PCDH7: variants seen among roughly 807,000 people sequenced by gnomAD.
PCDH7 encodes protocadherin-7.
In PCDH7, 17 loss-of-function variants were observed where a neutral mutation model predicts 58.9. The observed-to-expected ratio is 0.29, with a 90% CI of 0.20 to 0.43. The LOEUF (loss-of-function observed/expected upper bound fraction) is 0.43. Ranked by LOEUF, PCDH7 falls within the 20% of genes least tolerant of loss-of-function variation. PCDH7 has a pLI of 1.00. For missense variants in PCDH7, 1,274 were observed against 1,441.0 expected (o/e 0.88, Z 1.88); for synonymous variants, 664 against 616.4 (o/e 1.08, Z -1.14).
In PCDH7 at chr4:30,723,766, A is replaced by G. The variant is rs201345910; in HGVS notation, c.2344A>G (p.Ser782Gly). 8 of 1,614,190 alleles carry G rather than the reference A, an allele frequency of 5.0e-6. No individual in the cohort carries two copies. The Admixed American group carries it at 1.2e-4, about 24-fold the overall frequency. The change falls in exon 1 of 2, where the codon AGC becomes GGC. Residue 782 changes from serine (S) to glycine (G), a missense_variant. Coordinates refer to ENST00000361762, the Ensembl canonical transcript of PCDH7. The surrounding 1 kb of genome is among the most constrained non-coding windows in gnomAD (Gnocchi z 4.6). ...TGGCATCAATGCAGACCTGAACTAC[A>G]GCATTGTGGGAGGAAATCCCTTCAA... is the stretch of plus-strand genomic sequence containing the variant.
intron 1 of PCDH7, among the ~76,000 whole-genome samples, chr4:30,782,131 G>A (rs930244994): frequency 6.6e-6 from 1 of 152,090 alleles, no homozygotes; most frequent in Admixed American, 6.5e-5. Flanking sequence ...TCATGATAGA[G>A]TATGATATAT....
chr4:31,099,233 C>T (rs1714577142), intron 3 of PCDH7, among the ~76,000 whole-genome samples: 1 of 152,124 alleles, frequency 6.6e-6, no homozygotes, highest in Non-Finnish European at 1.5e-5. Context: ...AGAAAGGGGG[C>T]AAAGGAAAGT....
chr4:30,828,174 A>G (rs1729331988), intron 1 of PCDH7, among the ~76,000 whole-genome samples: 1 of 152,070 alleles, frequency 6.6e-6, no homozygotes. Context: ...TAGTTTTGAG[A>G]GGATAAAAGG....
chr4:30,885,668 A>G (rs1004772357), intron 1 of PCDH7, among the ~76,000 whole-genome samples: 11 of 152,168 alleles, frequency 7.2e-5, no homozygotes, highest in Non-Finnish European at 5.9e-5. Context: ...CGCCAAGTCA[A>G]TCCTAAGCCA....
chr4:30,896,248 A>G (rs1739379921), intron 1 of PCDH7, among the ~76,000 whole-genome samples: 1 of 152,194 alleles, frequency 6.6e-6, no homozygotes, highest in Admixed American at 6.5e-5. Flanking sequence ...TTGAACAGGC[A>G]CTAAATTCTT....
At chr4:30,895,375 T>C (rs1739272273) in intron 1 of PCDH7, among the ~76,000 whole-genome samples, 1 of 152,138 alleles carries the variant, frequency 6.6e-6, no homozygotes, top group African/African-American at 2.4e-5. Context: ...AACCAGAAGA[T>C]GTAAGTGATC....
chr4:30,992,393 G>A (rs1358328632), intron 3 of PCDH7, among the ~76,000 whole-genome samples: 1 of 152,150 alleles, frequency 6.6e-6, no homozygotes, highest in Non-Finnish European at 1.5e-5. Context: ...TGATCTTACA[G>A]GGTGCCTCAG....
intron 1 of PCDH7, among the ~76,000 whole-genome samples, chr4:30,874,709 T>C (rs200646659): frequency 8.3e-6 from 1 of 120,448 alleles, no homozygotes; most frequent in Non-Finnish European, 1.8e-5. Context: ...AATAAAAAAA[T>C]AGTGAAATTG....
At chr4:30,807,056 G>A (rs1473969472) in intron 1 of PCDH7, among the ~76,000 whole-genome samples, 1 of 152,130 alleles carries the variant, frequency 6.6e-6, no homozygotes, top group Admixed American at 6.5e-5. Context: ...ATTTGCAAAT[G>A]TTGACACGCA....
chr4:30,900,474 A>G (rs1740066108), intron 1 of PCDH7, among the ~76,000 whole-genome samples: 1 of 152,144 alleles, frequency 6.6e-6, no homozygotes, highest in Admixed American at 6.5e-5. Flanking sequence ...AATATATACT[A>G]CTTATGAAAG....
At chr4:30,788,449 C>T (rs766391107) in intron 1 of PCDH7, among the ~76,000 whole-genome samples, 3 of 151,968 alleles carry the variant, frequency 2.0e-5, no homozygotes, top group Non-Finnish European at 4.4e-5. Flanking sequence ...TGTAATATTA[C>T]AGGGATTTTT....
At chr4:30,977,277 T>C (rs569747574) in intron 3 of PCDH7, among the ~76,000 whole-genome samples, 1 of 152,338 alleles carries the variant, frequency 6.6e-6, no homozygotes, top group African/African-American at 2.4e-5. Flanking sequence ...ATTACAATTA[T>C]CATTTTAATA....
intron 3 of PCDH7, among the ~76,000 whole-genome samples, chr4:31,055,171 T>C (rs992947268): frequency 3.9e-5 from 6 of 152,198 alleles, no homozygotes; most frequent in Admixed American, 3.9e-4. Context: ...TTTTTATTTA[T>C]GTCATCCATC....
intron 1 of PCDH7, among the ~76,000 whole-genome samples, chr4:30,810,873 G>A (rs186517197): frequency 3.3e-5 from 5 of 152,152 alleles, no homozygotes; most frequent in Admixed American, 6.5e-5. Context: ...GCCTCCCAAC[G>A]TGCTGAGATT....
intron 1 of PCDH7, among the ~76,000 whole-genome samples, chr4:30,917,202 C>T (rs1051637307): frequency 7.2e-5 from 11 of 152,210 alleles, no homozygotes; most frequent in Admixed American, 1.3e-4. Context: ...CTGTTTCTCT[C>T]TCTGTCTCTC....
intron 3 of PCDH7, among the ~76,000 whole-genome samples, chr4:31,078,750 G>A (rs1200022480): frequency 7.0e-6 from 1 of 143,094 alleles, no homozygotes; most frequent in Non-Finnish European, 1.5e-5. Flanking sequence ...TCCAAAAGTT[G>A]GCAATATAAA....
intron 3 of PCDH7, among the ~76,000 whole-genome samples, chr4:31,047,260 G>T (rs1310136352): frequency 6.6e-6 from 1 of 151,990 alleles, no homozygotes; most frequent in Non-Finnish European, 1.5e-5. Context: ...AGCTGCTGTT[G>T]TGGGCAAATG....
chr4:30,873,537 C>G (rs1735891673), intron 1 of PCDH7, among the ~76,000 whole-genome samples: 1 of 118,794 alleles, frequency 8.4e-6, no homozygotes, highest in East Asian at 2.1e-4. Context: ...AGAAATTTTG[C>G]AGAGAATTAC....
chr4:31,140,812 T>C (rs1720160451), intron 3 of PCDH7, among the ~76,000 whole-genome samples: 1 of 152,196 alleles, frequency 6.6e-6, no homozygotes, highest in Admixed American at 6.5e-5. Flanking sequence ...AGTACTTTTT[T>C]CTTTTGATGA....
Sources: allele counts gnomAD v4.1 joint callset (sites outside exome capture counted in the v4.1 genomes callset), GRCh38; gene constraint gnomAD v4.1.1; non-coding constraint Gnocchi (gnomAD v3.1); transcripts MANE v1.5; gene names NCBI Gene and HGNC (gene_info 2026-07-23, HGNC 2026-07-21).